Variants in AFG1L observed in about 807,000 individuals in gnomAD.
The protein encoded by AFG1L is AFG1-like ATPase.
In AFG1L, 53 loss-of-function variants were observed where a neutral mutation model predicts 62.2. The observed-to-expected ratio is 0.85, with a 90% CI of 0.68 to 1.07. AFG1L has a LOEUF of 1.07. AFG1L is among the 50% of genes least tolerant of loss of function. The probability of loss-of-function intolerance (pLI) is 0.00; values close to 1 mark genes in which losing one functional copy is unlikely to be tolerated. For synonymous variants in AFG1L, 228 were observed against 210.3 expected (o/e 1.08, Z -0.73); for missense variants, 555 against 590.5 (o/e 0.94, Z 0.62).
intron 10 of AFG1L, among the ~76,000 whole-genome samples, chr6:108,496,965 T>G (rs1042856243): frequency 2.0e-5 from 3 of 152,228 alleles, no homozygotes; most frequent in African/African-American, 7.2e-5. Context: ...ACATATTATT[T>G]TATTACATCA....
chr6:108,366,567 T>G (rs1016148347), intron 6 of AFG1L, among the ~76,000 whole-genome samples: 1 of 70,974 alleles, frequency 1.4e-5, no homozygotes, highest in African/African-American at 2.9e-5. Flanking sequence ...GCTGTTTTTT[T>G]GTTTTTTTTT....
At position 108,476,892 on chromosome 6, in the gene AFG1L, C is replaced by A. The variant is rs1181216844; in HGVS notation, c.918C>A (p.Val306=). The A allele has an allele frequency of 1.2e-6, 2 of 1,613,704 alleles. No homozygotes were observed. Among genetic ancestry groups the A allele is most frequent in the African/African-American group, 2.7e-5 (2 of 74,886 alleles). The change falls in exon 9 of 13, where the codon GTC becomes GTA. Residue 306 remains valine (V), a synonymous_variant. Transcript: ENST00000368977. ...YLTSEADVEA[V]MDKLFDELAQ... is the part of the protein sequence containing the mutation. ...CAAGTGAAGCTGATGTGGAGGCTGT[C>A]ATGGATAAGTTGTTTGATGAGCTGG...
chr6:108,342,119 T>C (rs994533548), intron 2 of AFG1L, among the ~76,000 whole-genome samples: 11 of 152,098 alleles, frequency 7.2e-5, no homozygotes, highest in Non-Finnish European at 4.4e-5. Context: ...TCTGGAGGGA[T>C]GCAGCTCTAC....
In AFG1L at chr6:108,401,619, G is replaced by A. The variant is rs189557310; in HGVS notation, c.749-377G>A. ...GAATTTTCATTATAGATTGAGAAAA[G>A]GAGAGAATTTTTTTTATAGTAGAAT... On this transcript the variant is annotated intron_variant, in intron 6 of 12. Transcript: ENST00000368977. Among the ~76,000 whole-genome samples, 242 of 152,078 alleles carry A rather than the reference G, an allele frequency of 1.6e-3. 1 individual carries two copies. In the East Asian group the frequency reaches 0.027, roughly 17 times the overall value.
chr6:108,514,937 A>G (rs906633599), intron 11 of AFG1L, among the ~76,000 whole-genome samples: 14 of 152,276 alleles, frequency 9.2e-5, no homozygotes, highest in Admixed American at 2.6e-4. Context: ...CAATTCAACA[A>G]GAAGAGCTAA....
chr6:108,355,104 CTTT>C (rs60493859), intron 3 of AFG1L, among the ~76,000 whole-genome samples: 3 of 141,586 alleles, frequency 2.1e-5, no homozygotes, highest in Non-Finnish European at 1.6e-5. Context: ...TCTTTCTTCT[CTTT>C]TTTTTTTTTT....
intron 7 of AFG1L, among the ~76,000 whole-genome samples, chr6:108,437,198 T>C (rs1771349599): frequency 6.6e-6 from 1 of 152,144 alleles, no homozygotes; most frequent in Non-Finnish European, 1.5e-5. Flanking sequence ...GGGACACAAA[T>C]ATTTAGACCA....
chr6:108,429,625 T>C (rs1770983852), intron 7 of AFG1L, among the ~76,000 whole-genome samples: 1 of 152,204 alleles, frequency 6.6e-6, no homozygotes, highest in Non-Finnish European at 1.5e-5. Flanking sequence ...TTCTGTTCCA[T>C]TGGTCTGTGT....
chr6:108,357,091 A>T (rs1779322076), intron 5 of AFG1L, among the ~76,000 whole-genome samples: 1 of 151,964 alleles, frequency 6.6e-6, no homozygotes, highest in African/African-American at 2.4e-5. Flanking sequence ...ACACACACAC[A>T]TATTTTAAGA....
rs544957883 is a variant in AFG1L at position 108,324,114 on chromosome 6, A to C, written c.363+66A>C. 4 of 1,129,714 alleles carry C rather than the reference A, an allele frequency of 3.5e-6. No individual in the cohort carries two copies. In the Admixed American group the frequency reaches 8.7e-5, roughly 25 times the overall value. 70.0% of individuals were successfully genotyped at this position (1,129,714 alleles called of 1,614,324 possible). A position where few individuals can be genotyped will look rare whatever the true frequency, so the allele number is the denominator to read the frequency against. ...GTAAGCATTTTCTAAAATGGATGCA[A>C]TGCAGTAGGACACAATCATGAAACA... On this transcript the variant is annotated intron_variant, in intron 2 of 12. Coordinates refer to ENST00000368977, the MANE Select transcript of AFG1L (RefSeq NM_145315.5).
intron 6 of AFG1L, among the ~76,000 whole-genome samples, chr6:108,375,611 A>G (rs543301257): frequency 2.0e-5 from 3 of 152,152 alleles, no homozygotes; most frequent in Non-Finnish European, 4.4e-5. Context: ...AATTCTGTCT[A>G]TGTGGTGAAT....
At chr6:108,425,442 A>G (rs1380078992) in intron 7 of AFG1L, among the ~76,000 whole-genome samples, 1 of 151,358 alleles carries the variant, frequency 6.6e-6, no homozygotes, top group Non-Finnish European at 1.5e-5. Context: ...GTATGTGTAT[A>G]CTCACAGAAT....
At chr6:108,398,946 A>G (rs969095968) in intron 6 of AFG1L, among the ~76,000 whole-genome samples, 1 of 152,142 alleles carries the variant, frequency 6.6e-6, no homozygotes, top group Non-Finnish European at 1.5e-5. Context: ...TTCTGATTCC[A>G]TATAAATTTT....
intron 10 of AFG1L, among the ~76,000 whole-genome samples, chr6:108,491,468 A>G (rs1466776539): frequency 6.6e-6 from 1 of 152,170 alleles, no homozygotes; most frequent in African/African-American, 2.4e-5. Context: ...AAACATAATG[A>G]CAAAGTAAAG....
chr6:108,449,203 A>G (rs1290553031), intron 8 of AFG1L, among the ~76,000 whole-genome samples: 1 of 151,782 alleles, frequency 6.6e-6, no homozygotes, highest in African/African-American at 2.4e-5. Flanking sequence ...ACTTACATAT[A>G]TACACACATA....
intron 7 of AFG1L, among the ~76,000 whole-genome samples, chr6:108,407,184 A>G (rs1344824121): frequency 6.6e-6 from 1 of 151,328 alleles, no homozygotes; most frequent in Non-Finnish European, 1.5e-5. Flanking sequence ...CTTTGCCGGC[A>G]TGGTTGGGGA....
chr6:108,440,556 G>A (rs1057167157), intron 7 of AFG1L, among the ~76,000 whole-genome samples: 3 of 151,876 alleles, frequency 2.0e-5, no homozygotes, highest in African/African-American at 4.8e-5. Flanking sequence ...AAAAAGTCTC[G>A]ACTGGGCGTG....
chr6:108,522,172 A>T, intron 12 of AFG1L, 125 bp from the exon 13 acceptor site: 1 of 771,428 alleles, frequency 1.3e-6, no homozygotes, highest in Non-Finnish European at 2.0e-6. Flanking sequence ...ATATGGAAAA[A>T]AAAAGTTATA....
At chr6:108,446,649 C>T (rs1056626934) in intron 7 of AFG1L, among the ~76,000 whole-genome samples, 6 of 152,032 alleles carry the variant, frequency 3.9e-5, no homozygotes, top group Admixed American at 1.3e-4. Flanking sequence ...AGACTACAGG[C>T]GTGTGCCACC....
Sources: allele counts gnomAD v4.1 joint callset (sites outside exome capture counted in the v4.1 genomes callset), GRCh38; gene constraint gnomAD v4.1.1; transcripts MANE v1.5; gene names NCBI Gene and HGNC (gene_info 2026-07-23, HGNC 2026-07-21).